Variants in SALL4 observed in about 807,000 individuals in gnomAD.
SALL4 encodes spalt like transcription factor 4, also known as sal-like protein 4.
SALL4 carries 4 observed loss-of-function variants against 60.8 expected under a neutral mutation model. The ratio of observed to expected loss-of-function variants is 0.07; its 90% CI spans 0.03 to 0.15. SALL4 has a LOEUF of 0.15. Ranked by LOEUF, SALL4 falls within the 10% of genes least tolerant of loss-of-function variation. The probability of loss-of-function intolerance (pLI) is 1.00; values close to 1 mark genes in which losing one functional copy is unlikely to be tolerated. For missense variants in SALL4, 1,178 were observed against 1,394.7 expected, an observed-to-expected ratio of 0.84 and a Z score of 2.48; for synonymous variants, 580 against 574.9, an observed-to-expected ratio of 1.01 and a Z score of -0.13.
Position 51,788,776 on chromosome 20 carries a change from G to T in SALL4, c.2742+85C>A. 6.5e-7 allele frequency: 1 copy of T among 1,533,976 alleles called. No individual in the cohort carries two copies. Among genetic ancestry groups the T allele is most frequent in the Non-Finnish European group, 9.0e-7 (1 of 1,117,106 alleles). ...CGGCCTCCCAAAGGAGGAATGGAAG[G>T]ATGGAAGAACTCATCACGGCTTGTG... On this transcript the variant is annotated intron_variant, in intron 3 of 3. Coordinates refer to ENST00000217086, the MANE Select transcript of SALL4 (RefSeq NM_020436.5). The surrounding 1 kb of genome is among the most constrained non-coding windows in gnomAD (Gnocchi z 4.1).
chr20:51,799,258 G>C (rs943756675), intron 1 of SALL4, among the ~76,000 whole-genome samples: 2 of 152,116 alleles, frequency 1.3e-5, no homozygotes, highest in African/African-American at 4.8e-5. Flanking sequence ...CTGCTATATA[G>C]AGGAGGAACC....
chr20:51,799,557 T>A lies in SALL4; in HGVS notation c.130+2722A>T, dbSNP rs747010408. On this transcript the variant is annotated intron_variant, in intron 1 of 3. Transcript: ENST00000217086. ...ATTTTTATTCAACAAAAGGAGCTGT[T>A]TGGCAAATTGTAGCTTCTCTCCCTA... Among the ~76,000 whole-genome samples the A allele has an allele frequency of 2.1e-4, 32 of 152,356 alleles. 1 individual carries two copies. The highest frequency in any genetic ancestry group is 1.6e-3 in the Admixed American group (24 of 15,306).
Position 51,791,776 on chromosome 20 carries a change from C to A in SALL4, c.707G>T (p.Arg236Leu), listed in dbSNP as rs2078044887. 6.2e-7 allele frequency: 1 copy of A among 1,614,044 alleles called. No individual in the cohort carries two copies. Among genetic ancestry groups the A allele is most frequent in the Non-Finnish European group, 8.5e-7 (1 of 1,180,040 alleles). Residue 236 changes from arginine to leucine, a missense_variant, in exon 2 of 4, where the codon CGC becomes CTC. Arg to Leu is a moderately radical substitution (Grantham distance 102, BLOSUM62 -2). This residue lies in a region of SALL4 where 853 missense variants were observed against 1,036.8 expected (regional missense o/e 0.82). Transcript: ENST00000217086. The surrounding 1 kb of genome is among the most constrained non-coding windows in gnomAD (Gnocchi z 4.6). ...LQQIQLTEQIRIQVNMWASHA... is the reference protein window; with the variant it reads ...LQQIQLTEQILIQVNMWASHA... ...GGAGGCCCACATGTTCACCTGGATG[C>A]GGATCTGCTCGGTGAGCTGGATCTG...
Position 51,788,926 on chromosome 20 carries a change from T to C in SALL4, c.2677A>G (p.Thr893Ala). Reference protein sequence around the residue: ...SALQIHERTHTGEKPFVCNIC... With the variant: ...SALQIHERTHAGEKPFVCNIC... ...TTGCACACAAAAGGCTTCTCTCCAGTGTGAGTCCGCTCGTGGATCTGAAGA... is the reference window on the plus strand; with the variant it reads ...TTGCACACAAAAGGCTTCTCTCCAGCGTGAGTCCGCTCGTGGATCTGAAGA... The change falls in exon 3 of 4, where the codon ACT becomes GCT. Residue 893 changes from threonine (T) to alanine (A), a missense_variant. By Grantham distance (58) the Thr-to-Ala change is moderately conservative. Around this residue, in one of 5 missense-constraint regions of SALL4, gnomAD observed 37 missense variants for 73.5 expected, o/e 0.50. Coordinates refer to ENST00000217086, the MANE Select transcript of SALL4 (RefSeq NM_020436.5). The surrounding 1 kb of genome is among the most constrained non-coding windows in gnomAD (Gnocchi z 4.1). 6.2e-7 allele frequency: 1 copy of C among 1,614,182 alleles called. No homozygotes were observed. Among genetic ancestry groups the C allele is most frequent in the East Asian group, 2.2e-5 (1 of 44,874 alleles).
At position 51,791,113 on chromosome 20, in the gene SALL4, T is replaced by A; in HGVS notation, c.1370A>T (p.Tyr457Phe). 2 of 1,614,020 alleles carry A rather than the reference T, an allele frequency of 1.2e-6. No individual in the cohort carries two copies. The highest frequency in any genetic ancestry group is 1.7e-6 in the Non-Finnish European group (2 of 1,179,998). The stretch of plus-strand genomic sequence containing the variant: ...TATGGGGTCAGGTACAGAGAGTGCA[T>A]AGGGGATGCCATTGCCGGCCGCCAC... The part of the protein sequence containing the change: ...DKVAAGNGIP[Y>F]ALSVPDPIDE... Residue 457 changes from tyrosine (Y) to phenylalanine (F), a missense_variant, in exon 2 of 4, where the codon TAT (tyrosine) becomes TTT (phenylalanine). Physicochemically the swap from Tyr to Phe is conservative, Grantham distance 22. Around this residue, in one of 5 missense-constraint regions of SALL4, gnomAD observed 853 missense variants for 1,036.8 expected, o/e 0.82. Coordinates refer to ENST00000217086, the MANE Select transcript of SALL4 (RefSeq NM_020436.5). This position sits in a 1 kb window ranked among gnomAD's most constrained non-coding sequence, Gnocchi z 4.6.
Position 51,801,604 on chromosome 20 carries a change from C to G in SALL4, c.130+675G>C, listed in dbSNP as rs1229801431. 6.6e-6 allele frequency: 1 copy of G among 152,534 alleles called. No homozygotes were observed. The highest frequency in any genetic ancestry group is 1.5e-5 in the Non-Finnish European group (1 of 68,350). The allele number at this position is 152,534 out of a possible 1,614,324, so 9.4% of individuals were successfully genotyped here. On this transcript the variant is annotated intron_variant, in intron 1 of 3. Transcript: ENST00000217086. The surrounding 1 kb of genome is among the most constrained non-coding windows in gnomAD (Gnocchi z 5.2). ...GGCGGCGCAGCCCGGGCAGAAAAGG[C>G]GAAATCCAGAAAAGAAAAAAATTTT...
rs2077968289 is a variant in SALL4 at position 51,783,583 on chromosome 20, G to A, written c.*682C>T. On this transcript the variant is annotated 3_prime_UTR_variant, in exon 4 of 4. Transcript: ENST00000217086. ...CTGTGTAGTTGTCTTTTCCACTGTT[G>A]TTCAGTAAGTTCCAACGATTCTACC... 2 of 152,846 alleles carry A rather than the reference G, an allele frequency of 1.3e-5. No individual in the cohort carries two copies. Among genetic ancestry groups the A allele is most frequent in the South Asian group, 4.1e-4 (2 of 4,874 alleles). 9.5% of individuals were successfully genotyped at this position (152,846 alleles called of 1,614,324 possible).
At chr20:51,794,901 T>C (rs1029920738) in intron 1 of SALL4, among the ~76,000 whole-genome samples, 2 of 152,134 alleles carry the variant, frequency 1.3e-5, no homozygotes, top group African/African-American at 2.4e-5. Context: ...TCTGTAAAGA[T>C]TGCAACTTTC....
In SALL4 at chr20:51,785,683, G is replaced by A. The variant is rs181599819; in HGVS notation, c.2743-999C>T. Among the ~76,000 whole-genome samples, 94 of 151,714 alleles carry A rather than the reference G, an allele frequency of 6.2e-4. No individual in the cohort carries two copies. In the Middle Eastern group the frequency reaches 0.017, roughly 28 times the overall value. On this transcript the variant is annotated intron_variant, in intron 3 of 3. Coordinates refer to ENST00000217086, the MANE Select transcript of SALL4 (RefSeq NM_020436.5). The stretch of plus-strand genomic sequence containing the variant: ...TTTTGAGACGGAGTCTCGCTCTGTC[G>A]CCCAGGCTGGAGTGCAGTGGCGCAA...
At chr20:51,789,267 T>C (rs2078016989) in intron 2 of SALL4, 126 bp from the exon 3 acceptor site, 3 of 976,982 alleles carry the variant, frequency 3.1e-6, no homozygotes, top group African/African-American at 1.6e-5. Context: ...GCTTTGTAAG[T>C]AATTAACACC....
In SALL4 at chr20:51,790,840, G is replaced by T. The variant is rs1424051050; in HGVS notation, c.1643C>A (p.Thr548Asn). 1.2e-6 allele frequency: 2 copies of T among 1,613,980 alleles called. No individual in the cohort carries two copies. Among genetic ancestry groups the T allele is most frequent in the Non-Finnish European group, 1.7e-6 (2 of 1,180,024 alleles). Residue 548 changes from threonine (T) to asparagine (N), a missense_variant, in exon 2 of 4, where the codon ACC (threonine) becomes AAC (asparagine). By Grantham distance (65) the Thr-to-Asn change is moderately conservative (BLOSUM62 0). Transcript: ENST00000217086. This position sits in a 1 kb window ranked among gnomAD's most constrained non-coding sequence, Gnocchi z 5.5. The part of the protein sequence containing the change: ...GSGTPEPGSE[T>N]LKLQQLVENI... ...CTCCACCAACTGCTGCAATTTCAGG[G>T]TCTCTGACCCTGGCTCAGGGGTCCC...
At chr20:51,787,250 C>T (rs1428621045) in intron 3 of SALL4, among the ~76,000 whole-genome samples, 1 of 151,946 alleles carries the variant, frequency 6.6e-6, no homozygotes, top group African/African-American at 2.4e-5. Context: ...CGTGAAACCT[C>T]GACTCTACTA....
At chr20:51,800,160 A>G (rs2078101010) in intron 1 of SALL4, among the ~76,000 whole-genome samples, 1 of 152,148 alleles carries the variant, frequency 6.6e-6, no homozygotes, top group Non-Finnish European at 1.5e-5. Context: ...AACAGCGGGC[A>G]CAGACGACGA....
At chr20:51,800,865 C>T (rs536675993) in intron 1 of SALL4, among the ~76,000 whole-genome samples, 1 of 152,186 alleles carries the variant, frequency 6.6e-6, no homozygotes, top group Non-Finnish European at 1.5e-5. Context: ...TTTTAATTTG[C>T]CCTGGAAAAA....
chr20:51,788,740 T>C lies in SALL4; in HGVS notation c.2742+121A>G. On this transcript the variant is annotated intron_variant, in intron 3 of 3. Coordinates refer to ENST00000217086, the MANE Select transcript of SALL4 (RefSeq NM_020436.5). The surrounding 1 kb of genome is among the most constrained non-coding windows in gnomAD (Gnocchi z 4.1). ...TAAACAAACTCCTGGACTCAAGCAATCCTCCCACCTCGGCCTCCCAAAGGA... is the reference window on the plus strand; with the variant it reads ...TAAACAAACTCCTGGACTCAAGCAACCCTCCCACCTCGGCCTCCCAAAGGA... The C allele has an allele frequency of 8.3e-7, 1 of 1,200,470 alleles. No homozygotes were observed. Among genetic ancestry groups the C allele is most frequent in the Non-Finnish European group, 1.2e-6 (1 of 819,708 alleles). The allele number at this position is 1,200,470 out of a possible 1,614,324, so 74.4% of individuals were successfully genotyped here. A position where few individuals can be genotyped will look rare whatever the true frequency, so the allele number is the denominator to read the frequency against.
In SALL4 at chr20:51,784,310, G is replaced by A; in HGVS notation, c.3117C>T (p.His1039=). The A allele has an allele frequency of 6.2e-7, 1 of 1,614,176 alleles. No homozygotes were observed. Among genetic ancestry groups the A allele is most frequent in the Non-Finnish European group, 8.5e-7 (1 of 1,180,030 alleles). ...KPSATDGVPK[H]QFPHFLEENK... Reference sequence around the variant, plus strand: ...TTTCTTCCAGGAAGTGAGGAAACTGGTGTTTGGGAACGCCGTCAGTAGCAC... The same window carrying A: ...TTTCTTCCAGGAAGTGAGGAAACTGATGTTTGGGAACGCCGTCAGTAGCAC... Residue 1039 remains histidine, a synonymous_variant, in exon 4 of 4, where the codon CAC becomes CAT. Coordinates refer to ENST00000217086, the MANE Select transcript of SALL4 (RefSeq NM_020436.5).
rs974783661 is a variant in SALL4 at position 51,790,261 on chromosome 20, A to G, written c.2222T>C (p.Phe741Ser). 2 of 1,614,116 alleles carry G rather than the reference A, an allele frequency of 1.2e-6. No homozygotes were observed. Among genetic ancestry groups the G allele is most frequent in the African/African-American group, 1.3e-5 (1 of 75,010 alleles). ...DAPGKVGPAPFNLQRQGSREN... is the reference protein window; with the variant it reads ...DAPGKVGPAPSNLQRQGSREN... ...TCTGCTGCCCTGGCGCTGCAGGTTAAAAGGGGCAGGACCCACTTTCCCTGG... is the reference window on the plus strand; with the variant it reads ...TCTGCTGCCCTGGCGCTGCAGGTTAGAAGGGGCAGGACCCACTTTCCCTGG... The change falls in exon 2 of 4, where the codon TTT becomes TCT. Residue 741 changes from phenylalanine (F) to serine (S), a missense_variant. Transcript: ENST00000217086. The surrounding 1 kb of genome is among the most constrained non-coding windows in gnomAD (Gnocchi z 5.5).
At chr20:51,789,241 TGA>T (rs2078016747) in intron 2 of SALL4, 100 bp from the exon 3 acceptor site, 2 of 1,387,944 alleles carry the variant, frequency 1.4e-6, no homozygotes, top group Admixed American at 2.2e-5. Flanking sequence ...CCTGCTAGTT[TGA>T]GAGTCTGGAG....
Position 51,802,299 on chromosome 20 carries a change from G to A in SALL4, c.110C>T (p.Ala37Val). 6.2e-7 allele frequency: 1 copy of A among 1,606,890 alleles called. No individual in the cohort carries two copies. Among genetic ancestry groups the A allele is most frequent in the Non-Finnish European group, 8.5e-7 (1 of 1,177,830 alleles). ...CTCACCCAGCTCCCCCGCCGCGGGC[G>A]CCGCTGGGGCCGCATCTGCAAACTC... The part of the protein sequence containing the change: ...TPEFADAAPA[A>V]PAAGELGAPV... The change falls in exon 1 of 4, where the codon GCG becomes GTG. Residue 37 changes from alanine to valine, a missense_variant. Ala to Val is a moderately conservative substitution (Grantham distance 64). This residue lies in a region of SALL4 where 108 missense variants were observed against 95.7 expected (regional missense o/e 1.13). Coordinates refer to ENST00000217086, the MANE Select transcript of SALL4 (RefSeq NM_020436.5).
Sources: allele counts gnomAD v4.1 joint callset (sites outside exome capture counted in the v4.1 genomes callset), GRCh38; gene constraint gnomAD v4.1.1; regional missense constraint gnomAD v4.1.1; non-coding constraint Gnocchi (gnomAD v3.1); transcripts MANE v1.5; gene names NCBI Gene and HGNC (gene_info 2026-07-23, HGNC 2026-07-21).